TENT4A: variants seen among roughly 807,000 people sequenced by gnomAD.
The protein encoded by TENT4A is terminal nucleotidyltransferase 4A.
In TENT4A, 7 loss-of-function variants were observed where a neutral mutation model predicts 72.8. The observed-to-expected ratio is 0.10, with a 90% CI of 0.05 to 0.18. The LOEUF (loss-of-function observed/expected upper bound fraction) is 0.18. TENT4A is among the 10% of genes least tolerant of loss of function. The pLI is 1.00. For synonymous variants in TENT4A, 456 were observed against 434.3 expected (o/e 1.05, Z -0.62); for missense variants, 831 against 1,017.7 (o/e 0.82, Z 2.50).
At chr5:6,734,889 C>G (rs902989839) in intron 1 of TENT4A, among the ~76,000 whole-genome samples, 1 of 152,204 alleles carries the variant, frequency 6.6e-6, no homozygotes, top group Non-Finnish European at 1.5e-5. Context: ...TGCCATGTTA[C>G]GCTGATTTTG....
chr5:6,749,929 T>G (rs1033702841), intron 9 of TENT4A, among the ~76,000 whole-genome samples: 1 of 152,210 alleles, frequency 6.6e-6, no homozygotes, highest in Non-Finnish European at 1.5e-5. Context: ...TCCACTCAAG[T>G]CAAAATATTA....
In TENT4A at chr5:6,750,450, C is replaced by CT; in HGVS notation, c.1808dup (p.Ser604ValfsTer16). 6.2e-7 allele frequency: 1 copy of CT among 1,611,294 alleles called. No individual in the cohort carries two copies. Among genetic ancestry groups the CT allele is most frequent in the Non-Finnish European group, 8.5e-7 (1 of 1,178,708 alleles). ...TTTGTCGCTGTCCAGCCCCCAGCTC[C>CT]TGTCTTCAGGCTCCTCGGCCTCTTC... On this transcript the variant is annotated frameshift_variant, in exon 10 of 13. Transcript: ENST00000230859. LOFTEE classifies it high-confidence loss of function.
At chr5:6,733,233 C>T (rs1204549121) in intron 1 of TENT4A, among the ~76,000 whole-genome samples, 2 of 152,274 alleles carry the variant, frequency 1.3e-5, no homozygotes, top group African/African-American at 4.8e-5. Flanking sequence ...TGGGAAAGCC[C>T]TCCCAGGCAC....
At chr5:6,731,094 A>G (rs1345852726) in intron 1 of TENT4A, among the ~76,000 whole-genome samples, 3 of 152,214 alleles carry the variant, frequency 2.0e-5, no homozygotes, top group African/African-American at 7.2e-5. Context: ...AAAATCTACA[A>G]AATTGCAGGG....
At position 6,714,207 on chromosome 5, in the gene TENT4A, C is replaced by A; in HGVS notation, c.224C>A (p.Pro75Gln). 1.0e-6 allele frequency: 1 copy of A among 971,138 alleles called. No individual in the cohort carries two copies. Among genetic ancestry groups the A allele is most frequent in the Non-Finnish European group, 1.2e-6 (1 of 821,128 alleles). 60.2% of individuals were successfully genotyped at this position (971,138 alleles called of 1,614,324 possible). The stretch of plus-strand genomic sequence containing the variant: ...GCGCTGCCCGCCGCGTCGCCCCCGC[C>A]GCCCGGCCCCACCGCGCCCGCCGCG... The part of the protein sequence containing the change: ...GPALPAASPP[P>Q]PGPTAPAALP... Residue 75 changes from proline to glutamine, a missense_variant, in exon 1 of 13, where the codon CCG (proline) becomes CAG (glutamine). Transcript: ENST00000230859.
At chr5:6,744,546 G>C (rs987710463) in intron 6 of TENT4A, among the ~76,000 whole-genome samples, 1 of 152,284 alleles carries the variant, frequency 6.6e-6, no homozygotes, top group Non-Finnish European at 1.5e-5. Flanking sequence ...TTTGGTCTTT[G>C]TGATTGTGCT....
intron 1 of TENT4A, among the ~76,000 whole-genome samples, chr5:6,718,260 A>G (rs1490307337): frequency 6.6e-6 from 1 of 152,178 alleles, no homozygotes; most frequent in Non-Finnish European, 1.5e-5. Flanking sequence ...AACTTGGTGC[A>G]TGTTTTTCTC....
intron 1 of TENT4A, among the ~76,000 whole-genome samples, chr5:6,723,436 G>A (rs1740758594): frequency 2.0e-5 from 3 of 152,164 alleles, no homozygotes; most frequent in Admixed American, 2.0e-4. Flanking sequence ...CTCTGCACGA[G>A]TTTGCTCCTT....
rs1742694372 is a variant in TENT4A, at chr5:6,756,260, C to T, written c.*1315C>T. 6.6e-6 allele frequency: 1 copy of T among 152,580 alleles called. No individual in the cohort carries two copies. Among genetic ancestry groups the T allele is most frequent in the Non-Finnish European group, 1.5e-5 (1 of 68,034 alleles). The allele number at this position is 152,580 out of a possible 1,614,324, so 9.5% of individuals were successfully genotyped here. On this transcript the variant is annotated 3_prime_UTR_variant, in exon 13 of 13. Transcript: ENST00000230859. ...ACCTTTTTTTGAACAAGAATATATC[C>T]ATCCTGCCTAACCCTGAGTTTTTGG...
At chr5:6,746,541 C>G (rs554117777) in intron 7 of TENT4A, 114 bp downstream of exon 7, 1 of 836,834 alleles carries the variant, frequency 1.2e-6, no homozygotes, top group East Asian at 2.5e-5. Context: ...GCTCTTGATG[C>G]AGGTTTCTCT....
intron 4 of TENT4A, among the ~76,000 whole-genome samples, 188 bp from the exon 5 acceptor site, chr5:6,742,302 C>T (rs571066233): frequency 6.6e-6 from 1 of 152,188 alleles, no homozygotes; most frequent in African/African-American, 2.4e-5. Context: ...AATGTGGGTC[C>T]TGCTGTGAGG....
intron 1 of TENT4A, among the ~76,000 whole-genome samples, chr5:6,730,096 C>A (rs1288561834): frequency 1.5e-4 from 4 of 26,912 alleles, no homozygotes; most frequent in Non-Finnish European, 3.5e-4. Flanking sequence ...TGTTTCTCCG[C>A]CCCCCCCCGG....
Position 6,749,437 on chromosome 5 carries a change from C to G in TENT4A, c.1587-120C>G, listed in dbSNP as rs1156292600. 7.7e-6 allele frequency: 5 copies of G among 648,084 alleles called. No homozygotes were observed. The Admixed American group carries it at 7.8e-5, about 10-fold the overall frequency. 40.1% of individuals were successfully genotyped at this position (648,084 alleles called of 1,614,324 possible). On this transcript the variant is annotated intron_variant, in intron 8 of 12. Transcript: ENST00000230859. The stretch of plus-strand genomic sequence containing the variant: ...TTTGTCAACGTATTTTAGCTCCTTT[C>G]CTACTGTCCTTCACCTAGCGAGATG...
intron 4 of TENT4A, among the ~76,000 whole-genome samples, chr5:6,741,268 C>CTGT (rs1561039109): frequency 1.3e-5 from 2 of 152,142 alleles, no homozygotes; most frequent in African/African-American, 2.4e-5. Context: ...ACTGTGCAGC[C>CTGT]GGCCAGTCAT....
In TENT4A at chr5:6,754,718, G is replaced by C. The variant is rs771234360; in HGVS notation, c.2185-33G>C. The C allele has an allele frequency of 4.6e-6, 7 of 1,527,078 alleles. No homozygotes were observed. The South Asian group carries it at 9.0e-5, about 20-fold the overall frequency. 94.6% of individuals were successfully genotyped at this position (1,527,078 alleles called of 1,614,324 possible). A position where few individuals can be genotyped will look rare whatever the true frequency, so the allele number is the denominator to read the frequency against. ...GACGTGGGCATTGTGCCTGCTGTCT[G>C]GCTCCAACACTGCTGTCTCTCTCTT... On this transcript the variant is annotated intron_variant, in intron 12 of 12. Transcript: ENST00000230859.
intron 1 of TENT4A, among the ~76,000 whole-genome samples, chr5:6,736,564 A>G (rs114376945): frequency 6.6e-6 from 1 of 152,194 alleles, no homozygotes; most frequent in South Asian, 2.1e-4. Flanking sequence ...CCCTCTCTCC[A>G]TCTTTAATTA....
At chr5:6,727,859 C>T (rs144661146) in intron 1 of TENT4A, among the ~76,000 whole-genome samples, 9 of 152,316 alleles carry the variant, frequency 5.9e-5, no homozygotes, top group African/African-American at 2.2e-4. Flanking sequence ...CTGTATCAGC[C>T]AGGGTATGCT....
At chr5:6,714,945 A>AT (rs932121104) in intron 1 of TENT4A, 5 of 237,858 alleles carry the variant, frequency 2.1e-5, no homozygotes, top group Admixed American at 1.7e-4. Flanking sequence ...ACCTGCAGGT[A>AT]TTTGTCTTTT....
intron 2 of TENT4A, 73 bp downstream of exon 2, chr5:6,737,706 T>C (rs566908256): frequency 1.4e-3 from 2,104 of 1,494,540 alleles, no homozygotes; most frequent in Non-Finnish European, 1.8e-3. Flanking sequence ...GATGATGATG[T>C]GTCGGCTAGA....
Sources: gnomAD v4.1 joint callset for allele counts (sites outside exome capture counted in the v4.1 genomes callset) on GRCh38, gnomAD v4.1.1 for gene constraint, MANE v1.5 for transcripts, NCBI Gene and HGNC (gene_info 2026-07-23, HGNC 2026-07-21) for gene names.